KCNB2: variants seen among roughly 807,000 people sequenced by gnomAD.
The protein encoded by KCNB2 is delayed rectifier potassium channel protein.
KCNB2 carries 15 observed loss-of-function variants against 61.5 expected under a neutral mutation model. The ratio of observed to expected loss-of-function variants is 0.24; its 90% confidence interval spans 0.16 to 0.38. The LOEUF (loss-of-function observed/expected upper bound fraction) is 0.38, where lower values mean the gene tolerates loss of function less well. Among genes scored for constraint, KCNB2 ranks in the 10% least tolerant of loss-of-function variants. The pLI, the probability that KCNB2 is intolerant of heterozygous loss-of-function variation, is 1.00. For missense variants in KCNB2, 828 were observed against 1,125.2 expected, an observed-to-expected ratio of 0.74 and a Z score of 3.78; for synonymous variants, 457 against 446.0, an observed-to-expected ratio of 1.02 and a Z score of -0.31.
intron 2 of KCNB2, among the ~76,000 whole-genome samples, chr8:72,752,108 G>C (rs1306211490): frequency 6.6e-6 from 1 of 152,182 alleles, no homozygotes; most frequent in Non-Finnish European, 1.5e-5. Context: ...TTCAGGCTTG[G>C]ATGGCCAGGT....
chr8:72,774,041 G>A (rs995416297), intron 2 of KCNB2, among the ~76,000 whole-genome samples: 3 of 152,088 alleles, frequency 2.0e-5, no homozygotes, highest in Admixed American at 6.5e-5. Flanking sequence ...TATGCTACTG[G>A]ACCAAGGGCT....
chr8:72,796,571 G>A (rs967706443), intron 2 of KCNB2, among the ~76,000 whole-genome samples: 1 of 152,000 alleles, frequency 6.6e-6, no homozygotes, highest in Non-Finnish European at 1.5e-5. Context: ...CACTGGTGCT[G>A]TGGGAGAATT....
At chr8:72,680,896 T>C (rs1429720796) in intron 2 of KCNB2, among the ~76,000 whole-genome samples, 1 of 152,090 alleles carries the variant, frequency 6.6e-6, no homozygotes, top group Non-Finnish European at 1.5e-5. Context: ...ATGGGGAGAA[T>C]TACAGAGCCT....
intron 2 of KCNB2, among the ~76,000 whole-genome samples, chr8:72,597,978 A>G (rs1295958739): frequency 1.3e-5 from 2 of 152,142 alleles, no homozygotes; most frequent in Non-Finnish European, 2.9e-5. Flanking sequence ...CCATTACTTG[A>G]TATATACCCA....
intron 2 of KCNB2, among the ~76,000 whole-genome samples, chr8:72,913,351 T>C (rs1806334409): frequency 6.6e-6 from 1 of 152,208 alleles, no homozygotes; most frequent in Non-Finnish European, 1.5e-5. Flanking sequence ...ATGGACAGTA[T>C]GGTTGTAAGA....
chr8:72,870,933 C>T (rs939921317), intron 2 of KCNB2, among the ~76,000 whole-genome samples: 3 of 152,108 alleles, frequency 2.0e-5, no homozygotes, highest in African/African-American at 7.2e-5. Context: ...GCCAAGATCA[C>T]GCCACTGCAC....
At chr8:72,843,396 G>C (rs1447407543) in intron 2 of KCNB2, among the ~76,000 whole-genome samples, 1 of 152,160 alleles carries the variant, frequency 6.6e-6, no homozygotes, top group Non-Finnish European at 1.5e-5. Flanking sequence ...GTGGTGCTGA[G>C]AAGAATGTAT....
At position 72,777,507 on chromosome 8, in the gene KCNB2, A is replaced by G. The variant is rs79902130; in HGVS notation, c.580-158428A>G. Among the ~76,000 whole-genome samples, 738 of 152,150 alleles carry G rather than the reference A, an allele frequency of 4.9e-3. 27 individuals carry two copies. In the East Asian group the frequency reaches 0.1, roughly 21 times the overall value. On this transcript the variant is annotated intron_variant, in intron 2 of 2. Coordinates refer to ENST00000523207, the MANE Select transcript of KCNB2 (RefSeq NM_004770.3). ...GGGTTCAATGTGCCTTAGAAAAATC[A>G]CTCTCATTTGGTCTCCAGTTCTTGG...
chr8:72,810,941 G>C (rs1809297691), intron 2 of KCNB2, among the ~76,000 whole-genome samples: 1 of 152,172 alleles, frequency 6.6e-6, no homozygotes. Flanking sequence ...AATCATGGCT[G>C]AATTTATTGT....
At chr8:72,725,082 AT>A (rs1010778596) in intron 2 of KCNB2, among the ~76,000 whole-genome samples, 53 of 152,280 alleles carry the variant, frequency 3.5e-4, no homozygotes, top group African/African-American at 1.2e-3. Context: ...ATTTAAAAAA[AT>A]ATGTTTAAAA....
In KCNB2 at chr8:72,612,096, C is replaced by T. The variant is rs559649861; in HGVS notation, c.579+43783C>T. On this transcript the variant is annotated intron_variant, in intron 2 of 2. Coordinates refer to ENST00000523207, the MANE Select transcript of KCNB2 (RefSeq NM_004770.3). The stretch of plus-strand genomic sequence containing the variant: ...TCAGATACTCTCAAGCAGTATATCC[C>T]ATGCAATCATTATAAGATTTTACTT... Among the ~76,000 whole-genome samples, 4 of 152,232 alleles carry T rather than the reference C, an allele frequency of 2.6e-5. No individual in the cohort carries two copies. In the South Asian group the frequency reaches 8.3e-4, roughly 32 times the overall value.
intron 2 of KCNB2, among the ~76,000 whole-genome samples, chr8:72,844,832 A>G (rs1369350062): frequency 1.3e-5 from 2 of 152,106 alleles, no homozygotes; most frequent in African/African-American, 4.8e-5. Flanking sequence ...CTAGTTAGCA[A>G]TTTCTCCAAC....
chr8:72,572,156 A>T (rs1806719220), intron 2 of KCNB2, among the ~76,000 whole-genome samples: 1 of 152,146 alleles, frequency 6.6e-6, no homozygotes, highest in Non-Finnish European at 1.5e-5. Flanking sequence ...TGGATGTCTT[A>T]AGAAGGTCAA....
At chr8:72,931,335 A>G (rs1806779511) in intron 2 of KCNB2, among the ~76,000 whole-genome samples, 2 of 152,162 alleles carry the variant, frequency 1.3e-5, no homozygotes. Context: ...TTCTGTGAAG[A>G]AAGTCATTGG....
At chr8:72,812,663 A>G (rs2129000522) in intron 2 of KCNB2, among the ~76,000 whole-genome samples, 1 of 152,166 alleles carries the variant, frequency 6.6e-6, no homozygotes, top group South Asian at 2.1e-4. Flanking sequence ...TGTTTTACCT[A>G]AGTCTGTAAA....
intron 2 of KCNB2, among the ~76,000 whole-genome samples, chr8:72,851,616 C>T (rs917498542): frequency 6.6e-6 from 1 of 151,900 alleles, no homozygotes; most frequent in Non-Finnish European, 1.5e-5. Flanking sequence ...ACTTCCACCC[C>T]GGACCTCTCA....
chr8:72,795,674 G>T (rs559097429), intron 2 of KCNB2, among the ~76,000 whole-genome samples: 7 of 152,268 alleles, frequency 4.6e-5, no homozygotes, highest in South Asian at 2.1e-4. Context: ...CCCTTCAAAT[G>T]TCCTAAAATG....
chr8:72,869,517 A>G (rs949194317), intron 2 of KCNB2, among the ~76,000 whole-genome samples: 2 of 152,156 alleles, frequency 1.3e-5, no homozygotes, highest in African/African-American at 4.8e-5. Context: ...AAAATAAAAT[A>G]ACCCAATTTA....
intron 2 of KCNB2, among the ~76,000 whole-genome samples, chr8:72,662,302 A>C (rs1417085974): frequency 6.6e-6 from 1 of 152,100 alleles, no homozygotes; most frequent in Non-Finnish European, 1.5e-5. Context: ...TGGCCACAAC[A>C]GATTGTAGAG....
Sources: allele counts gnomAD v4.1 joint callset (sites outside exome capture counted in the v4.1 genomes callset), GRCh38; gene constraint gnomAD v4.1.1; transcripts MANE v1.5; gene names NCBI Gene and HGNC (gene_info 2026-07-23, HGNC 2026-07-21).